The following GID4 variants were observed in gnomAD, a reference collection of about 807,000 sequenced individuals.
GID4 encodes glucose-induced degradation protein 4 homolog.
GID4 carries 7 observed loss-of-function variants against 32.4 expected under a neutral mutation model. The observed-to-expected ratio is 0.22, with a 90% CI of 0.12 to 0.41. The LOEUF (loss-of-function observed/expected upper bound fraction) is 0.41, where lower values mean the gene tolerates loss of function less well. GID4 is among the 10% of genes least tolerant of loss of function. The pLI is 1.00. For missense variants in GID4, 309 were observed against 400.0 expected (o/e 0.77, Z 1.94); for synonymous variants, 166 against 170.0 (o/e 0.98, Z 0.18).
At chr17:18,059,742 A>T (rs1385647389) in intron 4 of GID4, among the ~76,000 whole-genome samples, 1 of 152,170 alleles carries the variant, frequency 6.6e-6, no homozygotes, top group Non-Finnish European at 1.5e-5. Flanking sequence ...AAGATGAATC[A>T]TATTGAGTTG....
intron 1 of GID4, among the ~76,000 whole-genome samples, chr17:18,040,411 C>T (rs945555117): frequency 3.2e-4 from 48 of 152,324 alleles, no homozygotes; most frequent in Middle Eastern, 3.4e-3. Context: ...GGGTCTTCCT[C>T]CTCCTGAGAT....
chr17:18,056,138 A>T (rs2044964672), intron 3 of GID4, among the ~76,000 whole-genome samples: 1 of 152,270 alleles, frequency 6.6e-6, no homozygotes, highest in South Asian at 2.1e-4. Context: ...TACAGGCGTG[A>T]GCCACCATGC....
chr17:18,049,377 AAG>A (rs1313076848), intron 2 of GID4, among the ~76,000 whole-genome samples: 4 of 151,870 alleles, frequency 2.6e-5, no homozygotes. Context: ...AAAAAAAAAA[AAG>A]GAGCTAAATG....
intron 3 of GID4, chr17:18,056,886 TCCC>T: frequency 6.4e-7 from 1 of 1,550,566 alleles, no homozygotes; most frequent in Non-Finnish European, 8.7e-7. Flanking sequence ...ACTCAGCATT[TCCC>T]CTAACTTTCA....
At chr17:18,063,811 C>T (rs149842423) in intron 5 of GID4, among the ~76,000 whole-genome samples, 1 of 152,278 alleles carries the variant, frequency 6.6e-6, no homozygotes, top group Non-Finnish European at 1.5e-5. Flanking sequence ...GGCACGATCT[C>T]GGCTCACTGC....
chr17:18,062,433 G>A (rs960163085), intron 5 of GID4, among the ~76,000 whole-genome samples: 1 of 152,130 alleles, frequency 6.6e-6, no homozygotes, highest in African/African-American at 2.4e-5. Context: ...GCCTGTGAGT[G>A]GACAGTCCTG....
At chr17:18,054,303 G>T in intron 3 of GID4, 69 bp downstream of exon 3, 1 of 989,708 alleles carries the variant, frequency 1.0e-6, no homozygotes, top group Non-Finnish European at 1.6e-6. Flanking sequence ...CTGGGAGCCA[G>T]AGACCTTGTC....
At chr17:18,047,315 G>GT (rs2044863890) in intron 2 of GID4, among the ~76,000 whole-genome samples, 1 of 152,222 alleles carries the variant, frequency 6.6e-6, no homozygotes, top group South Asian at 2.1e-4. Flanking sequence ...AAATACATTA[G>GT]TTAACTGGGT....
At position 18,056,185 on chromosome 17, in the gene GID4, G is replaced by C. The variant is rs114039259; in HGVS notation, c.606+1951G>C. Among the ~76,000 whole-genome samples, 1,019 of 152,346 alleles carry C rather than the reference G, an allele frequency of 6.7e-3. 18 individuals are homozygous for C. The highest frequency in any genetic ancestry group is 0.024 in the African/African-American group (978 of 41,576). ...CTGTTTTTTACTTGAGTAAAAAAAG[G>C]AGATCTATCAAATACTGAGGTTCAG... On this transcript the variant is annotated intron_variant, in intron 3 of 5. Coordinates refer to ENST00000268719, the MANE Select transcript of GID4 (RefSeq NM_024052.5).
chr17:18,054,153 C>G lies in GID4; in HGVS notation c.525C>G (p.Phe175Leu). 6.2e-7 allele frequency: 1 copy of G among 1,609,762 alleles called. No individual in the cohort carries two copies. The highest frequency in any genetic ancestry group is 1.1e-5 in the South Asian group (1 of 90,806). ...TEEYPTLTTF[F>L]EGEIISKKHP... is the part of the protein sequence containing the mutation. ...AGTATCCAACCCTTACAACCTTCTTCGAAGGAGAAATAATCAGCAAAAAAC... is the reference window on the plus strand; with the variant it reads ...AGTATCCAACCCTTACAACCTTCTTGGAAGGAGAAATAATCAGCAAAAAAC... Residue 175 changes from phenylalanine (F) to leucine (L), a missense_variant, in exon 3 of 6, where the codon TTC becomes TTG. Physicochemically the swap from Phe to Leu is conservative, Grantham distance 22. Around this residue, in one of 2 missense-constraint regions of GID4, gnomAD observed 116 missense variants for 214.2 expected, o/e 0.54. Coordinates refer to ENST00000268719, the MANE Select transcript of GID4 (RefSeq NM_024052.5).
At chr17:18,047,757 C>T (rs1347484468) in intron 2 of GID4, among the ~76,000 whole-genome samples, 1 of 152,306 alleles carries the variant, frequency 6.6e-6, no homozygotes. Flanking sequence ...AAGTCCTGCT[C>T]AGGCCTTAGA....
intron 3 of GID4, among the ~76,000 whole-genome samples, chr17:18,056,480 G>A (rs1158732359): frequency 6.6e-6 from 1 of 152,192 alleles, no homozygotes; most frequent in Non-Finnish European, 1.5e-5. Context: ...ATGGCTTGCT[G>A]CCTCACGAGA....
At position 18,042,227 on chromosome 17, in the gene GID4, A is replaced by T. The variant is rs776522722; in HGVS notation, c.438+2325A>T. On this transcript the variant is annotated intron_variant, in intron 1 of 5. Coordinates refer to ENST00000268719, the MANE Select transcript of GID4 (RefSeq NM_024052.5). ...GGTGTACAATTCAATAGTTTTTAGT[A>T]TATTCACAGTTGTTTAACCACCACC... Among the ~76,000 whole-genome samples, 79 of 152,224 alleles carry T rather than the reference A, an allele frequency of 5.2e-4. 1 individual carries two copies. The highest frequency in any genetic ancestry group is 5.2e-3 in the Admixed American group (79 of 15,286).
rs1056591861 is a variant in GID4, at chr17:18,066,685, A to G, written c.*1442A>G. The G allele has an allele frequency of 2.6e-5, 4 of 152,170 alleles. No individual in the cohort carries two copies. Among genetic ancestry groups the G allele is most frequent in the African/African-American group, 9.7e-5 (4 of 41,426 alleles). The allele number at this position is 152,170 out of a possible 1,614,324, so 9.4% of individuals were successfully genotyped here. A position where few individuals can be genotyped will look rare whatever the true frequency, so the allele number is the denominator to read the frequency against. On this transcript the variant is annotated 3_prime_UTR_variant, in exon 6 of 6. Coordinates refer to ENST00000268719, the MANE Select transcript of GID4 (RefSeq NM_024052.5). ...AAAGCAACCTGGAGGCTGCATATCC[A>G]TGGGCGGGCAGCATAAGAGAATGTG...
At chr17:18,043,105 AAG>A (rs755705353) in intron 1 of GID4, among the ~76,000 whole-genome samples, 4 of 152,166 alleles carry the variant, frequency 2.6e-5, no homozygotes, top group Non-Finnish European at 5.9e-5. Context: ...GAATATTTAA[AAG>A]AACAGCCGTT....
intron 1 of GID4, among the ~76,000 whole-genome samples, chr17:18,044,912 G>A (rs1257467390): frequency 6.6e-6 from 1 of 152,192 alleles, no homozygotes; most frequent in Non-Finnish European, 1.5e-5. Context: ...AGACACTTCA[G>A]TCTCATGATA....
At chr17:18,048,956 T>C (rs1311217652) in intron 2 of GID4, among the ~76,000 whole-genome samples, 1 of 152,056 alleles carries the variant, frequency 6.6e-6, no homozygotes. Context: ...ATATCAAATT[T>C]TTAATTTATT....
At position 18,065,510 on chromosome 17, in the gene GID4, T is replaced by G. The variant is rs950171466; in HGVS notation, c.*267T>G. The G allele has an allele frequency of 2.1e-6, 1 of 467,690 alleles. No homozygotes were observed. The highest frequency in any genetic ancestry group is 2.0e-5 in the African/African-American group (1 of 50,368). The allele number at this position is 467,690 out of a possible 1,614,324, so 29.0% of individuals were successfully genotyped here. A position where few individuals can be genotyped will look rare whatever the true frequency, so the allele number is the denominator to read the frequency against. Reference sequence around the variant, plus strand: ...TAAGCTACCTTAAACGCACTTTTCCTTCCTGCACAGCTAACTTCTACATCA... The same window carrying G: ...TAAGCTACCTTAAACGCACTTTTCCGTCCTGCACAGCTAACTTCTACATCA... On this transcript the variant is annotated 3_prime_UTR_variant, in exon 6 of 6. Coordinates refer to ENST00000268719, the MANE Select transcript of GID4 (RefSeq NM_024052.5).
chr17:18,057,779 A>ACC (rs1236731646), intron 3 of GID4, among the ~76,000 whole-genome samples: 10 of 151,996 alleles, frequency 6.6e-5, no homozygotes, highest in Non-Finnish European at 1.3e-4. Context: ...TGTGGATTCA[A>ACC]CCAGCCACAG....
Sources: gnomAD v4.1 joint callset for allele counts (sites outside exome capture counted in the v4.1 genomes callset) on GRCh38, gnomAD v4.1.1 for gene constraint, gnomAD v4.1.1 regional missense constraint, MANE v1.5 for transcripts, NCBI Gene and HGNC (gene_info 2026-07-23, HGNC 2026-07-21) for gene names.